NYAP2: variants seen among roughly 807,000 people sequenced by gnomAD.
The protein encoded by NYAP2 is neuronal tyrosine-phosphorylated phosphoinositide-3-kinase adaptor 2, also known as neuronal tyrosine-phosphorylated phosphoinositide-3-kinase adapter 2.
Under a neutral mutation model 50.4 loss-of-function variants are expected in NYAP2, and 23 were observed. That is an observed-to-expected ratio of 0.46 (90% CI 0.33 to 0.65). The LOEUF is 0.65. Ranked by LOEUF, NYAP2 falls within the 30% of genes least tolerant of loss-of-function variation. The pLI, the probability that NYAP2 is intolerant of heterozygous loss-of-function variation, is 0.02. For synonymous variants in NYAP2, 394 were observed against 365.2 expected (o/e 1.08, Z -0.90); for missense variants, 885 against 861.0 (o/e 1.03, Z -0.35).
At position 225,645,259 on chromosome 2, in the gene NYAP2, A is replaced by T. The variant is rs568089892; in HGVS notation, c.1829-6173A>T. ...GGCAGAAAAAAAAAAAAAAAAGAAGAAGAAAAAAGCTAACTAATAAATTAC... is the reference window on the plus strand; with the variant it reads ...GGCAGAAAAAAAAAAAAAAAAGAAGTAGAAAAAAGCTAACTAATAAATTAC... On this transcript the variant is annotated intron_variant, in intron 6 of 6. Transcript: ENST00000636099. Among the ~76,000 whole-genome samples the T allele has an allele frequency of 1.2e-4, 18 of 151,996 alleles. No homozygotes were observed. The East Asian group carries it at 3.5e-3, about 29-fold the overall frequency.
rs562324744 is a variant in NYAP2, at chr2:225,580,851, C to A, written c.524-1090C>A. Among the ~76,000 whole-genome samples the A allele has an allele frequency of 2.6e-5, 4 of 152,220 alleles. No individual in the cohort carries two copies. The South Asian group carries it at 8.3e-4, about 32-fold the overall frequency. On this transcript the variant is annotated intron_variant, in intron 4 of 6. Transcript: ENST00000636099. ...AGCTTGTTAGCTCCTCACAGTCTTACAACTCTAAGTTGTACTGTCAACTCA... is the reference window on the plus strand; with the variant it reads ...AGCTTGTTAGCTCCTCACAGTCTTAAAACTCTAAGTTGTACTGTCAACTCA...
At chr2:225,442,153 C>T (rs1208234544) in intron 3 of NYAP2, among the ~76,000 whole-genome samples, 1 of 152,288 alleles carries the variant, frequency 6.6e-6, no homozygotes, top group Middle Eastern at 3.4e-3. Context: ...TGACTTCAGA[C>T]TGTTTCAAAT....
chr2:225,583,048 G>A lies in NYAP2; in HGVS notation c.1618+13G>A. The A allele has an allele frequency of 6.2e-7, 1 of 1,604,220 alleles. No individual in the cohort carries two copies. Among genetic ancestry groups the A allele is most frequent in the Non-Finnish European group, 8.5e-7 (1 of 1,175,290 alleles). Reference sequence around the variant, plus strand: ...GAGCCTGCAGAGAGTAAGTGTGCAGGGCCTGCCTGAGCCCCAGAGCCCAGT... The same window carrying A: ...GAGCCTGCAGAGAGTAAGTGTGCAGAGCCTGCCTGAGCCCCAGAGCCCAGT... On this transcript the variant is annotated intron_variant, in intron 5 of 6. Coordinates refer to ENST00000636099, the Ensembl canonical transcript of NYAP2.
At chr2:225,642,469 A>C (rs1328273079) in intron 6 of NYAP2, among the ~76,000 whole-genome samples, 2 of 152,182 alleles carry the variant, frequency 1.3e-5, no homozygotes, top group Non-Finnish European at 2.9e-5. Context: ...TCTGTGAACA[A>C]ACAAGTGTAG....
intron 2 of NYAP2, among the ~76,000 whole-genome samples, chr2:225,402,289 G>A (rs1272463996): frequency 6.6e-6 from 1 of 151,944 alleles, no homozygotes; most frequent in Non-Finnish European, 1.5e-5. Context: ...ACACAAGAAG[G>A]TTGGTTATTG....
intron 3 of NYAP2, among the ~76,000 whole-genome samples, chr2:225,479,023 T>C (rs1379037612): frequency 2.0e-5 from 3 of 152,200 alleles, no homozygotes; most frequent in Non-Finnish European, 4.4e-5. Flanking sequence ...ATGGTGTTAA[T>C]ATGTTTTAAA....
At chr2:225,426,428 C>G (rs770366994) in intron 3 of NYAP2, among the ~76,000 whole-genome samples, 2 of 152,176 alleles carry the variant, frequency 1.3e-5, no homozygotes, top group Non-Finnish European at 1.5e-5. Flanking sequence ...TATCCACTAA[C>G]GTACCCACAA....
chr2:225,437,453 G>T (rs1337130395), intron 3 of NYAP2, among the ~76,000 whole-genome samples: 1 of 152,098 alleles, frequency 6.6e-6, no homozygotes, highest in Non-Finnish European at 1.5e-5. Flanking sequence ...ATTTCATCTG[G>T]CTCTGATACC....
At position 225,482,570 on chromosome 2, in the gene NYAP2, G is replaced by T. The variant is rs142197787; in HGVS notation, c.222-30801G>T. On this transcript the variant is annotated intron_variant, in intron 3 of 6. Transcript: ENST00000636099. Reference sequence around the variant, plus strand: ...AAAGAGAGTGTGGGGTTTCCCGAAGGCTTCTGAAATGCATCTGTTTACCCC... The same window carrying T: ...AAAGAGAGTGTGGGGTTTCCCGAAGTCTTCTGAAATGCATCTGTTTACCCC... Among the ~76,000 whole-genome samples, 8 of 152,156 alleles carry T rather than the reference G, an allele frequency of 5.3e-5. No individual in the cohort carries two copies. In the East Asian group the frequency reaches 1.4e-3, roughly 26 times the overall value.
At chr2:225,424,694 A>T (rs1284730093) in intron 3 of NYAP2, among the ~76,000 whole-genome samples, 1 of 151,968 alleles carries the variant, frequency 6.6e-6, no homozygotes, top group East Asian at 1.9e-4. Context: ...AATTTATTTT[A>T]TATTTATTCT....
At chr2:225,649,357 T>C (rs1013300361) in intron 6 of NYAP2, among the ~76,000 whole-genome samples, 1 of 152,180 alleles carries the variant, frequency 6.6e-6, no homozygotes. Context: ...CCAGGATACT[T>C]CCCACTTCAG....
At chr2:225,433,300 C>A (rs2106135251) in intron 3 of NYAP2, among the ~76,000 whole-genome samples, 1 of 151,540 alleles carries the variant, frequency 6.6e-6, no homozygotes, top group South Asian at 2.1e-4. Context: ...TGCAATATGC[C>A]AAGATCGTGC....
intron 3 of NYAP2, among the ~76,000 whole-genome samples, chr2:225,427,151 A>G (rs1695299778): frequency 6.6e-6 from 1 of 152,134 alleles, no homozygotes; most frequent in Non-Finnish European, 1.5e-5. Flanking sequence ...TGTCATCCTT[A>G]AAGTTTATCC....
At chr2:225,583,732 T>C (rs1254012842) in intron 5 of NYAP2, among the ~76,000 whole-genome samples, 1 of 152,120 alleles carries the variant, frequency 6.6e-6, no homozygotes, top group Non-Finnish European at 1.5e-5. Flanking sequence ...AAAACTTGCC[T>C]TCATCTTATA....
intron 3 of NYAP2, among the ~76,000 whole-genome samples, chr2:225,421,722 G>T (rs946567174): frequency 6.6e-6 from 1 of 152,216 alleles, no homozygotes; most frequent in Non-Finnish European, 1.5e-5. Context: ...GTGGCCTCTG[G>T]ATAATGAAGC....
intron 3 of NYAP2, among the ~76,000 whole-genome samples, chr2:225,429,228 C>A (rs1695329149): frequency 6.6e-6 from 1 of 152,170 alleles, no homozygotes; most frequent in Non-Finnish European, 1.5e-5. Context: ...CCATCAGTTT[C>A]TTGTATATGA....
intron 3 of NYAP2, among the ~76,000 whole-genome samples, chr2:225,512,852 TC>T (rs1690852378): frequency 1.6e-5 from 2 of 123,576 alleles, no homozygotes; most frequent in African/African-American, 3.3e-5. Flanking sequence ...TTTCTTTCTT[TC>T]TTCCTTCCTT....
At chr2:225,442,739 C>A (rs914594045) in intron 3 of NYAP2, among the ~76,000 whole-genome samples, 5 of 152,018 alleles carry the variant, frequency 3.3e-5, no homozygotes, top group Non-Finnish European at 7.4e-5. Context: ...CCACGCCCAG[C>A]TAATTTTTGT....
chr2:225,533,619 G>GTGGAA (rs1282766883), intron 4 of NYAP2, among the ~76,000 whole-genome samples: 2 of 152,078 alleles, frequency 1.3e-5, no homozygotes. Flanking sequence ...AGCCCAAGGG[G>GTGGAA]TGGAGGTTGC....
Sources: gnomAD v4.1 joint callset for allele counts (sites outside exome capture counted in the v4.1 genomes callset) on GRCh38, gnomAD v4.1.1 for gene constraint, MANE v1.5 for transcripts, NCBI Gene and HGNC (gene_info 2026-07-23, HGNC 2026-07-21) for gene names.